The following UBN2 variants were observed in gnomAD, a reference collection of about 807,000 sequenced individuals.
The protein encoded by UBN2 is ubinuclein 2.
In UBN2, 35 loss-of-function variants were observed where a neutral mutation model predicts 120.2. The observed-to-expected ratio is 0.29, with a 90% CI of 0.22 to 0.39. The LOEUF is 0.39. UBN2 is among the 10% of genes least tolerant of loss of function. The pLI is 1.00. For synonymous variants in UBN2, 661 were observed against 648.7 expected, an observed-to-expected ratio of 1.02 and a Z score of -0.29; for missense variants, 1,693 against 1,663.2, an observed-to-expected ratio of 1.02 and a Z score of -0.31.
chr7:139,321,716 C>G, the UBN2 span, among the ~76,000 whole-genome samples: 1 of 152,092 alleles, frequency 6.6e-6, no homozygotes, highest in Non-Finnish European at 1.5e-5. Flanking sequence ...GAGAAAACAC[C>G]TAGGAGAAAA....
chr7:139,258,762 C>T (rs1393286700), intron 4 of UBN2, 137 bp downstream of exon 4: 7 of 698,734 alleles, frequency 1.0e-5, no homozygotes, highest in African/African-American at 1.9e-5. Context: ...TAATTACATG[C>T]TTTAAAATTA....
the UBN2 span, among the ~76,000 whole-genome samples, chr7:139,320,564 A>G: frequency 6.6e-6 from 1 of 152,128 alleles, no homozygotes; most frequent in Non-Finnish European, 1.5e-5. Flanking sequence ...AAATTCTGGC[A>G]AAGTGCTGGG....
At chr7:139,276,226 G>A (rs980448627) in intron 12 of UBN2, 79 bp downstream of exon 12, 2 of 1,355,326 alleles carry the variant, frequency 1.5e-6, no homozygotes, top group Non-Finnish European at 2.1e-6. Flanking sequence ...TTTATTAAAT[G>A]CTAGTTGGAA....
the UBN2 span, among the ~76,000 whole-genome samples, chr7:139,314,189 G>A: frequency 6.7e-6 from 1 of 149,382 alleles, no homozygotes; most frequent in Admixed American, 6.7e-5. Context: ...GGGTGCAGTG[G>A]TTCACGCCTG....
In UBN2 at chr7:139,284,197, G is replaced by A; in HGVS notation, c.3292G>A (p.Val1098Ile). ...SPSSSSPNAL[V>I]AQGSHSSTNS... is the part of the protein sequence containing the mutation. The stretch of plus-strand genomic sequence containing the variant: ...AAGTAGTTCCAGTCCAAATGCACTA[G>A]TTGCCCAGGGTAGCCACTCCAGCAC... The change falls in exon 15 of 18, where the codon GTT becomes ATT. Residue 1098 changes from valine (V) to isoleucine (I), a missense_variant. Around this residue, in one of 5 missense-constraint regions of UBN2, gnomAD observed 837 missense variants for 817.6 expected, o/e 1.02. Transcript: ENST00000473989. 1 of 1,614,068 alleles carries A rather than the reference G, an allele frequency of 6.2e-7. No individual in the cohort carries two copies. Among genetic ancestry groups the A allele is most frequent in the Non-Finnish European group, 8.5e-7 (1 of 1,180,030 alleles).
Position 139,290,890 on chromosome 7 carries a change from T to C in UBN2, c.3670-2342T>C, listed in dbSNP as rs1449685207. On this transcript the variant is annotated intron_variant, in intron 15 of 17. Transcript: ENST00000473989. ...GTGGCATGTGTGTGTGGAAAGATTG[T>C]CTGCATTTTTCTTATACATTAACTT... Among the ~76,000 whole-genome samples the C allele has an allele frequency of 2.0e-5, 3 of 152,144 alleles. No individual in the cohort carries two copies. The East Asian group carries it at 5.8e-4, about 29-fold the overall frequency.
chr7:139,238,758 C>T (rs1158601536), intron 2 of UBN2, among the ~76,000 whole-genome samples: 1 of 152,128 alleles, frequency 6.6e-6, no homozygotes, highest in Non-Finnish European at 1.5e-5. Flanking sequence ...TTGAGAGGTT[C>T]AGATTTTTCC....
chr7:139,319,763 T>C, the UBN2 span, among the ~76,000 whole-genome samples: 1 of 152,158 alleles, frequency 6.6e-6, no homozygotes, highest in South Asian at 2.1e-4. Context: ...AAAGTATTTT[T>C]TGTGTATTTA....
chr7:139,291,316 G>A (rs1195346127), intron 15 of UBN2, among the ~76,000 whole-genome samples: 2 of 135,568 alleles, frequency 1.5e-5, no homozygotes, highest in East Asian at 2.2e-4. Flanking sequence ...AGCCAAGATC[G>A]CAGCACTACA....
At chr7:139,311,926 C>G (rs1037665335), downstream of UBN2, among the ~76,000 whole-genome samples, 1 of 152,238 alleles carries the variant, frequency 6.6e-6, no homozygotes, top group Non-Finnish European at 1.5e-5. Context: ...TGTCTCCACT[C>G]TGCCATTCCA....
At chr7:139,244,934 T>A (rs1044042168) in intron 2 of UBN2, among the ~76,000 whole-genome samples, 4 of 151,962 alleles carry the variant, frequency 2.6e-5, no homozygotes, top group Admixed American at 2.6e-4. Context: ...CACAATTTTT[T>A]AAAATTTATT....
At chr7:139,277,046 G>C (rs879537042) in intron 12 of UBN2, 1 of 148,776 alleles carries the variant, frequency 6.7e-6, no homozygotes, top group Non-Finnish European at 1.5e-5. Context: ...CTGGGGGACA[G>C]AACAGACCTT....
At chr7:139,254,534 AG>A (rs1055332467) in intron 3 of UBN2, among the ~76,000 whole-genome samples, 1 of 152,240 alleles carries the variant, frequency 6.6e-6, no homozygotes, top group African/African-American at 2.4e-5. Flanking sequence ...TTTGCTGTGT[AG>A]CCAGGAGCAA....
intron 2 of UBN2, among the ~76,000 whole-genome samples, chr7:139,240,869 T>C (rs1796302178): frequency 6.6e-6 from 1 of 152,244 alleles, no homozygotes; most frequent in South Asian, 2.1e-4. Flanking sequence ...ACCTAGATTA[T>C]ACTAAATTGG....
At chr7:139,319,853 T>G in the UBN2 span, among the ~76,000 whole-genome samples, 30 of 151,432 alleles carry the variant, frequency 2.0e-4, no homozygotes, top group East Asian at 1.4e-3. Flanking sequence ...GAGGTGGGCG[T>G]ATCACAAGGT....
At chr7:139,274,431 A>G (rs1267004640) in intron 11 of UBN2, among the ~76,000 whole-genome samples, 3 of 152,202 alleles carry the variant, frequency 2.0e-5, no homozygotes, top group African/African-American at 7.2e-5. Context: ...GGATTAGAGC[A>G]TAGGAAAAGA....
chr7:139,292,258 AAAG>A (rs775471980), intron 15 of UBN2, among the ~76,000 whole-genome samples: 70 of 152,262 alleles, frequency 4.6e-4, no homozygotes, highest in Non-Finnish European at 9.0e-4. Context: ...GTCTCAAAAA[AAAG>A]GGGGCGGAGT....
At chr7:139,245,933 A>G (rs556870042) in intron 2 of UBN2, among the ~76,000 whole-genome samples, 16 of 152,326 alleles carry the variant, frequency 1.1e-4, no homozygotes, top group African/African-American at 3.8e-4. Flanking sequence ...GTTTGAGTCA[A>G]CATGTACAAG....
chr7:139,317,854 G>A, the UBN2 span, among the ~76,000 whole-genome samples: 1 of 151,982 alleles, frequency 6.6e-6, no homozygotes, highest in East Asian at 1.9e-4. Context: ...GTAGAGATGG[G>A]GTCTCAACAT....
Sources: gnomAD v4.1 joint callset for allele counts (sites outside exome capture counted in the v4.1 genomes callset) on GRCh38, gnomAD v4.1.1 for gene constraint, gnomAD v4.1.1 regional missense constraint, MANE v1.5 for transcripts, NCBI Gene and HGNC (gene_info 2026-07-23, HGNC 2026-07-21) for gene names.